Variants in WNK2 observed in about 807,000 individuals in gnomAD.
WNK2 encodes the protein serine/threonine-protein kinase WNK2.
A neutral mutation model predicts 192.1 loss-of-function variants in WNK2; 67 were observed. The observed-to-expected ratio is 0.35, with a 90% CI of 0.29 to 0.43. The LOEUF (loss-of-function observed/expected upper bound fraction) is 0.43. WNK2 is among the 20% of genes least tolerant of loss of function. The pLI is 1.00. For synonymous variants in WNK2, 1,439 were observed against 1,393.9 expected (o/e 1.03, Z -0.72); for missense variants, 2,698 against 3,089.7 (o/e 0.87, Z 3.01).
In WNK2 at chr9:93,185,354, G is replaced by A. The variant is rs2130836008; in HGVS notation, c.425G>A (p.Gly142Asp). 6.4e-7 allele frequency: 1 copy of A among 1,559,946 alleles called. No individual in the cohort carries two copies. Among genetic ancestry groups the A allele is most frequent in the Non-Finnish European group, 8.7e-7 (1 of 1,155,984 alleles). The change falls in exon 2 of 30, where the codon GGC becomes GAC. Residue 142 changes from glycine (G) to aspartate (D), a missense_variant. Gly to Asp is a moderately conservative substitution (Grantham distance 94). This residue lies in a region of WNK2 where 260 missense variants were observed against 285.6 expected (regional missense o/e 0.91). Coordinates refer to ENST00000427277, the MANE Select transcript of WNK2 (RefSeq NM_006648.4). Reference protein sequence around the residue: ...AVETAPAPDGGPREEAAATVR... With the variant: ...AVETAPAPDGDPREEAAATVR... The stretch of plus-strand genomic sequence containing the variant: ...GAAACCGCGCCTGCCCCCGACGGCG[G>A]CCCCAGGGAGGAGGCGGCGGCGACC...
intron 2 of WNK2, among the ~76,000 whole-genome samples, chr9:93,189,781 G>A (rs911721263): frequency 2.0e-5 from 3 of 152,248 alleles, no homozygotes; most frequent in Admixed American, 6.5e-5. Context: ...CATGGGCCAC[G>A]CAGCCTTAGG....
At chr9:93,314,347 C>T (rs1854217841) in intron 28 of WNK2, among the ~76,000 whole-genome samples, 1 of 149,672 alleles carries the variant, frequency 6.7e-6, no homozygotes, top group Non-Finnish European at 1.5e-5. Context: ...ACTAAGGAGG[C>T]TGAGGTGAGA....
intron 6 of WNK2, among the ~76,000 whole-genome samples, chr9:93,238,522 T>C (rs1189344162): frequency 6.6e-6 from 1 of 152,160 alleles, no homozygotes. Context: ...GGCCAGGCCC[T>C]CACGTCCTTG....
At chr9:93,284,470 CAA>C (rs940071329) in intron 19 of WNK2, among the ~76,000 whole-genome samples, 8 of 151,932 alleles carry the variant, frequency 5.3e-5, no homozygotes, top group Admixed American at 4.6e-4. Context: ...AAAAAACAAA[CAA>C]AACAAAACCA....
chr9:93,264,809 A>T (rs949021276), intron 16 of WNK2, among the ~76,000 whole-genome samples: 1 of 152,228 alleles, frequency 6.6e-6, no homozygotes, highest in Non-Finnish European at 1.5e-5. Context: ...CTCACTCCAG[A>T]TGGCCACCAA....
intron 2 of WNK2, among the ~76,000 whole-genome samples, chr9:93,221,585 C>T (rs572853466): frequency 6.6e-5 from 10 of 152,334 alleles, no homozygotes; most frequent in African/African-American, 2.2e-4. Context: ...GGCTCAGTAA[C>T]GGAGGCACTT....
intron 19 of WNK2, among the ~76,000 whole-genome samples, chr9:93,270,760 C>A (rs887723465): frequency 6.6e-6 from 1 of 152,164 alleles, no homozygotes; most frequent in Non-Finnish European, 1.5e-5. Context: ...GCCGACAGTT[C>A]TGGAGGTAAC....
rs59357990 is a variant in WNK2 at position 93,195,699 on chromosome 9, C to CAAAAAAAAAAA, written c.681+10104_681+10114dup. 1.9e-3 allele frequency among the ~76,000 whole-genome samples: 78 copies of CAAAAAAAAAAA among 41,654 alleles called. 2 individuals are homozygous for CAAAAAAAAAAA. The highest frequency in any genetic ancestry group is 2.6e-3 in the Admixed American group (7 of 2,700). 27.3% of individuals were successfully genotyped at this position (41,654 alleles called of 152,430 possible). On this transcript the variant is annotated intron_variant, in intron 2 of 29. Coordinates refer to ENST00000427277, the MANE Select transcript of WNK2 (RefSeq NM_006648.4). ...GGGCAACAGAGTAAAGACTTTGTCT[C>CAAAAAAAAAAA]AAAAAAAAAAAAAAAAAAAAAAAAA...
intron 2 of WNK2, among the ~76,000 whole-genome samples, chr9:93,200,689 C>T (rs1315954479): frequency 6.6e-6 from 1 of 152,124 alleles, no homozygotes; most frequent in East Asian, 1.9e-4. Flanking sequence ...TGTTGGGCCT[C>T]TGGATTGGGT....
At chr9:93,198,224 T>C (rs1267576813) in intron 2 of WNK2, among the ~76,000 whole-genome samples, 2 of 152,166 alleles carry the variant, frequency 1.3e-5, no homozygotes, top group Non-Finnish European at 2.9e-5. Flanking sequence ...AGCTCCCTCC[T>C]CCCTTTGGGT....
intron 27 of WNK2, chr9:93,307,053 C>CACATCTA: frequency 3.4e-6 from 2 of 589,620 alleles, no homozygotes; most frequent in Non-Finnish European, 6.1e-6. Context: ...CTCGCCAGTT[C>CACATCTA]ACATCTAACG....
chr9:93,230,427 C>T (rs1838568915), intron 3 of WNK2, among the ~76,000 whole-genome samples: 1 of 152,224 alleles, frequency 6.6e-6, no homozygotes, highest in South Asian at 2.1e-4. Flanking sequence ...CACCCACCTC[C>T]TCCCAGGGCA....
intron 6 of WNK2, among the ~76,000 whole-genome samples, chr9:93,238,890 C>T (rs1840266999): frequency 6.6e-6 from 1 of 152,156 alleles, no homozygotes; most frequent in Admixed American, 6.5e-5. Flanking sequence ...GGGGGTGCTT[C>T]CTCAGCCTTC....
chr9:93,255,968 A>G (rs1273619840), intron 9 of WNK2, among the ~76,000 whole-genome samples: 1 of 152,136 alleles, frequency 6.6e-6, no homozygotes, highest in Non-Finnish European at 1.5e-5. Flanking sequence ...TCACAGTCAT[A>G]TGGACCGTGA....
At chr9:93,243,846 G>A (rs754215335) in intron 7 of WNK2, among the ~76,000 whole-genome samples, 1 of 152,234 alleles carries the variant, frequency 6.6e-6, no homozygotes. Context: ...GAGGGGCTTC[G>A]CCGTGATGCA....
chr9:93,185,904 G>A (rs967296733), intron 2 of WNK2, among the ~76,000 whole-genome samples: 2 of 152,310 alleles, frequency 1.3e-5, no homozygotes, highest in Non-Finnish European at 2.9e-5. Flanking sequence ...AGAGGGTCCT[G>A]GAGAGTGGGC....
intron 26 of WNK2, among the ~76,000 whole-genome samples, chr9:93,302,214 C>CAA (rs1168286967): frequency 6.6e-6 from 1 of 152,220 alleles, no homozygotes; most frequent in Non-Finnish European, 1.5e-5. Context: ...GGGGTGGGCG[C>CAA]AGCCCTGTGA....
At chr9:93,294,062 G>T (rs932239233) in intron 23 of WNK2, among the ~76,000 whole-genome samples, 1 of 152,110 alleles carries the variant, frequency 6.6e-6, no homozygotes, top group African/African-American at 2.4e-5. Context: ...GATGTCCTTC[G>T]GGATGGGAGG....
At chr9:93,294,184 C>T (rs1388473473) in intron 23 of WNK2, among the ~76,000 whole-genome samples, 1 of 152,198 alleles carries the variant, frequency 6.6e-6, no homozygotes, top group Non-Finnish European at 1.5e-5. Context: ...TCCTGCGAGC[C>T]CTCTCTGCAC....
Sources: gnomAD v4.1 joint callset for allele counts (sites outside exome capture counted in the v4.1 genomes callset) on GRCh38, gnomAD v4.1.1 for gene constraint, gnomAD v4.1.1 regional missense constraint, MANE v1.5 for transcripts, NCBI Gene and HGNC (gene_info 2026-07-23, HGNC 2026-07-21) for gene names.